TBC1D1: variants seen among roughly 807,000 people sequenced by gnomAD.
TBC1D1 encodes the protein TBC1 (tre-2/USP6, BUB2, cdc16) domain family, member 1.
In TBC1D1, 89 loss-of-function variants were observed where a neutral mutation model predicts 125.6. That is an observed-to-expected ratio of 0.71 (90% CI 0.60 to 0.85). The LOEUF is 0.85. Ranked by LOEUF, TBC1D1 falls within the 40% of genes least tolerant of loss-of-function variation. TBC1D1 has a pLI of 0.00. For missense variants in TBC1D1, 1,377 were observed against 1,469.2 expected (o/e 0.94, Z 1.03); for synonymous variants, 565 against 564.1 (o/e 1.00, Z -0.02).
At chr4:38,134,202 A>G (rs780732870) in intron 19 of TBC1D1, among the ~76,000 whole-genome samples, 1 of 152,178 alleles carries the variant, frequency 6.6e-6, no homozygotes, top group Non-Finnish European at 1.5e-5. Flanking sequence ...TTTTCTTCAT[A>G]GAAAGATGAG....
At chr4:37,922,960 T>C (rs544083652) in intron 2 of TBC1D1, among the ~76,000 whole-genome samples, 62 of 151,252 alleles carry the variant, frequency 4.1e-4, no homozygotes, top group Non-Finnish European at 5.3e-4. Context: ...TTCTCTCTCT[T>C]TTTTTTTTAA....
chr4:37,976,252 A>C (rs1471163257), intron 2 of TBC1D1, among the ~76,000 whole-genome samples: 1 of 152,256 alleles, frequency 6.6e-6, no homozygotes, highest in Non-Finnish European at 1.5e-5. Flanking sequence ...GTGAATGAGC[A>C]TGGAAGTGGA....
rs1307351315 is a variant in TBC1D1 at position 38,020,455 on chromosome 4, G to A, written c.973-136G>A. The A allele has an allele frequency of 1.9e-5, 12 of 640,980 alleles. No homozygotes were observed. In the Admixed American group the frequency reaches 2.3e-4, roughly 12 times the overall value. The allele number at this position is 640,980 out of a possible 1,614,324, so 39.7% of individuals were successfully genotyped here. On this transcript the variant is annotated intron_variant, in intron 4 of 19. Transcript: ENST00000261439. ...ATTGTGCCATTGTACTCCAGCCTGG[G>A]CAACAAGAGTAAAATTCCATCTCAA...
At chr4:38,133,599 G>C (rs942254155) in intron 19 of TBC1D1, among the ~76,000 whole-genome samples, 2 of 152,174 alleles carry the variant, frequency 1.3e-5, no homozygotes, top group Non-Finnish European at 2.9e-5. Context: ...GAATCTAAGA[G>C]CTTTTAACTT....
intron 2 of TBC1D1, among the ~76,000 whole-genome samples, chr4:37,924,454 T>C (rs1484560323): frequency 2.6e-5 from 4 of 152,236 alleles, no homozygotes; most frequent in Non-Finnish European, 4.4e-5. Context: ...CACTGTGTTA[T>C]GCCACCATTA....
intron 2 of TBC1D1, among the ~76,000 whole-genome samples, chr4:38,012,096 G>C (rs1261745019): frequency 1.3e-5 from 2 of 152,226 alleles, no homozygotes; most frequent in Admixed American, 1.3e-4. Context: ...TTTCTGTTCA[G>C]AGTGGGGTTA....
intron 8 of TBC1D1, 83 bp downstream of exon 8, chr4:38,035,781 C>A: frequency 1.0e-6 from 1 of 987,554 alleles, no homozygotes; most frequent in Non-Finnish European, 1.5e-6. Flanking sequence ...TTTTCTGAAA[C>A]TCTGATACCT....
rs1578128255 is a variant in TBC1D1, at chr4:37,978,016, T to C, written c.418-36493T>C. Among the ~76,000 whole-genome samples, 3 of 152,214 alleles carry C rather than the reference T, an allele frequency of 2.0e-5. No individual in the cohort carries two copies. In the East Asian group the frequency reaches 5.8e-4, roughly 29 times the overall value. On this transcript the variant is annotated intron_variant, in intron 2 of 19. Coordinates refer to ENST00000261439, the MANE Select transcript of TBC1D1 (RefSeq NM_015173.4). ...GGTGCCCACAAGGGGCGTCTGTCTT[T>C]CGTTTTTAACCCTCTGGTTTCAAAG...
chr4:38,004,350 A>T (rs1337120262), intron 2 of TBC1D1, among the ~76,000 whole-genome samples: 1 of 152,148 alleles, frequency 6.6e-6, no homozygotes, highest in Non-Finnish European at 1.5e-5. Flanking sequence ...TCCCTCCCTC[A>T]ACCTGCACAC....
At chr4:37,986,820 C>T (rs77131027) in intron 2 of TBC1D1, among the ~76,000 whole-genome samples, 5,845 of 138,138 alleles carry the variant, frequency 0.042, 111 homozygotes, top group Non-Finnish European at 0.048. Context: ...GAGAGGAAGC[C>T]TGAGTAGTCG....
intron 2 of TBC1D1, among the ~76,000 whole-genome samples, chr4:37,911,735 G>A (rs551480984): frequency 4.6e-5 from 7 of 152,258 alleles, no homozygotes; most frequent in East Asian, 1.9e-4. Context: ...GCCAAACAAC[G>A]CATGATTGTG....
At chr4:38,051,256 G>A (rs1750482116) in intron 11 of TBC1D1, among the ~76,000 whole-genome samples, 1 of 152,202 alleles carries the variant, frequency 6.6e-6, no homozygotes, top group South Asian at 2.1e-4. Context: ...ATGAGGAGAT[G>A]CCTGTCTGTC....
At position 38,014,335 on chromosome 4, in the gene TBC1D1, C is replaced by G. The variant is rs535615746; in HGVS notation, c.418-174C>G. Among the ~76,000 whole-genome samples the G allele has an allele frequency of 6.6e-6, 1 of 152,304 alleles. No homozygotes were observed. Among genetic ancestry groups the G allele is most frequent in the East Asian group, 1.9e-4 (1 of 5,180 alleles). ...TTCTGTGGAAGCTGTGTGTTCACCT[C>G]CCATGGGAAGACATTCCTAGTCCCC... On this transcript the variant is annotated intron_variant, in intron 2 of 19. Transcript: ENST00000261439. This position sits in a 1 kb window ranked among gnomAD's most constrained non-coding sequence, Gnocchi z 5.1.
chr4:37,916,218 C>T (rs1178419600), intron 2 of TBC1D1, among the ~76,000 whole-genome samples: 1 of 152,114 alleles, frequency 6.6e-6, no homozygotes, highest in Non-Finnish European at 1.5e-5. Context: ...TATCTTTATA[C>T]ATTTTACTGT....
intron 15 of TBC1D1, among the ~76,000 whole-genome samples, chr4:38,107,005 C>T (rs1761419367): frequency 1.3e-5 from 2 of 151,640 alleles, no homozygotes; most frequent in African/African-American, 4.8e-5. Flanking sequence ...AGTGCTGACC[C>T]CCCTCTCTCT....
chr4:38,051,993 C>T, intron 11 of TBC1D1: 2 of 1,551,006 alleles, frequency 1.3e-6, no homozygotes, highest in Non-Finnish European at 1.7e-6. Flanking sequence ...CGCCTCCTCG[C>T]CAAACTTTTT....
chr4:38,091,402 C>G lies in TBC1D1; in HGVS notation c.2236+1285C>G, dbSNP rs554984395. On this transcript the variant is annotated intron_variant, in intron 13 of 19. Transcript: ENST00000261439. The stretch of plus-strand genomic sequence containing the variant: ...TCCAACCCAGTTTTTCTGCCACTTT[C>G]TTATGTTTTTGTGAAGGTAATTTTA... Among the ~76,000 whole-genome samples, 322 of 152,212 alleles carry G rather than the reference C, an allele frequency of 2.1e-3. 2 individuals carry two copies. Among genetic ancestry groups the G allele is most frequent in the African/African-American group, 7.4e-3 (309 of 41,526 alleles).
intron 12 of TBC1D1, among the ~76,000 whole-genome samples, chr4:38,080,514 G>C (rs962914778): frequency 2.0e-5 from 3 of 152,154 alleles, no homozygotes; most frequent in African/African-American, 4.8e-5. Flanking sequence ...CTGTCCCTTC[G>C]CTGGGCCCCG....
At chr4:38,085,398 A>G (rs1757317128) in intron 12 of TBC1D1, among the ~76,000 whole-genome samples, 1 of 152,092 alleles carries the variant, frequency 6.6e-6, no homozygotes, top group Non-Finnish European at 1.5e-5. Context: ...CTAAGTTGTT[A>G]TCGCAGCCCT....
Sources: gnomAD v4.1 joint callset for allele counts (sites outside exome capture counted in the v4.1 genomes callset) on GRCh38, gnomAD v4.1.1 for gene constraint, Gnocchi (gnomAD v3.1) non-coding constraint, MANE v1.5 for transcripts, NCBI Gene and HGNC (gene_info 2026-07-23, HGNC 2026-07-21) for gene names.